Variants in AGRN observed in about 807,000 individuals in gnomAD.
AGRN encodes agrin proteoglycan.
Under a neutral mutation model 211.0 loss-of-function variants are expected in AGRN, and 106 were observed. The observed-to-expected ratio is 0.50, with a 90% CI of 0.43 to 0.59. The LOEUF (loss-of-function observed/expected upper bound fraction) is 0.59. Ranked by LOEUF, AGRN falls within the 20% of genes least tolerant of loss-of-function variation. The probability of loss-of-function intolerance (pLI) is 0.00; values close to 1 mark genes in which losing one functional copy is unlikely to be tolerated. For synonymous variants in AGRN, 1,525 were observed against 1,332.5 expected, an observed-to-expected ratio of 1.14 and a Z score of -3.15; for missense variants, 3,040 against 2,982.6, an observed-to-expected ratio of 1.02 and a Z score of -0.45.
chr1:1,050,161 C>T (rs1279216279), intron 27 of AGRN, 72 bp from the exon 28 acceptor site: 2 of 1,595,540 alleles, frequency 1.3e-6, no homozygotes, highest in African/African-American at 1.3e-5. Flanking sequence ...GAGTTAGGAT[C>T]CACACACGGC....
intron 2 of AGRN, chr1:1,034,791 C>T (rs1478009510): frequency 2.3e-6 from 2 of 886,308 alleles, no homozygotes; most frequent in South Asian, 4.2e-5. Context: ...GGCGGGTCCG[C>T]GGGGCTCCCG....
At chr1:1,026,819 GAT>G in intron 2 of AGRN, among the ~76,000 whole-genome samples, 1 of 152,356 alleles carries the variant, frequency 6.6e-6, no homozygotes, top group South Asian at 2.1e-4. Flanking sequence ...GCAGGGCTGA[GAT>G]ATCACCCCAT....
chr1:1,045,328 C>T (rs757679241), intron 13 of AGRN, 31 bp from the exon 14 acceptor site: 2 of 1,612,114 alleles, frequency 1.2e-6, no homozygotes, highest in Non-Finnish European at 1.7e-6. Context: ...GCTGTGCGGC[C>T]ACGTGACCTT....
rs1286031168 is a variant in AGRN, at chr1:1,046,082, T to A, written c.2799T>A (p.Ala933=). Residue 933 remains alanine (A), a synonymous_variant, in exon 16 of 36, where the codon GCT becomes GCA. Transcript: ENST00000379370. ...CPMLTCPEAN[A]TKVCGSDGVT... ...TGCTCACCTGTCCAGAGGCCAACGC[T>A]ACCAAGGTGAGGGGTGTGGGATGTG... 3 of 1,614,014 alleles carry A rather than the reference T, an allele frequency of 1.9e-6. No individual in the cohort carries two copies. Among genetic ancestry groups the A allele is most frequent in the Admixed American group, 1.7e-5 (1 of 60,028 alleles).
chr1:1,049,133 G>C, intron 24 of AGRN, 74 bp downstream of exon 24: 1 of 917,654 alleles, frequency 1.1e-6, no homozygotes, highest in Non-Finnish European at 1.5e-6. Flanking sequence ...GGGGGGCCGG[G>C]GCAGCTCAGG....
In AGRN at chr1:1,046,650, C is replaced by T. The variant is rs753211720; in HGVS notation, c.3165C>T (p.Ser1055=). 2.1e-5 allele frequency: 34 copies of T among 1,595,860 alleles called. No homozygotes were observed. Among genetic ancestry groups the T allele is most frequent in the East Asian group, 1.6e-4 (7 of 44,758 alleles). The stretch of plus-strand genomic sequence containing the variant: ...CCCCTGCACCCAGCCTGGTGGCGTC[C>T]GCCTTTGGTGAATCTGGCAGCACTG... ...APSPAPSLVA[S]AFGESGSTDG... is the part of the protein sequence containing the mutation. The change falls in exon 18 of 36, where the codon TCC becomes TCT. Residue 1055 remains serine, a synonymous_variant. Coordinates refer to ENST00000379370, the MANE Select transcript of AGRN (RefSeq NM_198576.4).
chr1:1,035,256 T>C, intron 2 of AGRN, 21 bp from the exon 3 acceptor site: 1 of 1,612,346 alleles, frequency 6.2e-7, no homozygotes, highest in Non-Finnish European at 8.5e-7. Context: ...GAGCCTAACT[T>C]GGGGATTTGT....
intron 3 of AGRN, among the ~76,000 whole-genome samples, chr1:1,035,645 G>T (rs1488139734): frequency 6.6e-6 from 1 of 152,240 alleles, no homozygotes; most frequent in Non-Finnish European, 1.5e-5. Flanking sequence ...GCCAGAGTCC[G>T]GTCAGGGGGC....
rs1644574763 is a variant in AGRN, at chr1:1,028,544, C to A, written c.463+6082C>A. Among the ~76,000 whole-genome samples, 6 of 119,042 alleles carry A rather than the reference C, an allele frequency of 5.0e-5. 1 individual carries two copies. In the South Asian group the frequency reaches 1.9e-3, roughly 37 times the overall value. The allele number at this position is 119,042 out of a possible 152,430, so 78.1% of individuals were successfully genotyped here. A position where few individuals can be genotyped will look rare whatever the true frequency, so the allele number is the denominator to read the frequency against. On this transcript the variant is annotated intron_variant, in intron 2 of 35. Transcript: ENST00000379370. The stretch of plus-strand genomic sequence containing the variant: ...GCCCCAGCCCCTCATGGGCCAAGGG[C>A]ACCCACAGCCACGCCACCCTTTCCG...
rs146770768 is a variant in AGRN, at chr1:1,042,120, C to T, written c.1342C>T (p.Arg448Trp). The change falls in exon 7 of 36, where the codon CGG becomes TGG. Residue 448 changes from arginine (R) to tryptophan (W), a missense_variant. Physicochemically the swap from Arg to Trp is moderately radical, Grantham distance 101. Transcript: ENST00000379370. ...TTGCTGGCGGCAGCAGGCTGAGTGC[C>T]GGCAGCAGCGTGCCATCCCCAGCAA... ...SDCWRQQAEC[R>W]QQRAIPSKHQ... 4.5e-5 allele frequency: 72 copies of T among 1,600,848 alleles called. No individual in the cohort carries two copies. The highest frequency in any genetic ancestry group is 2.9e-4 in the African/African-American group (22 of 74,852).
chr1:1,042,214 C>G (rs752136135), intron 7 of AGRN, 52 bp downstream of exon 7: 3 of 1,542,222 alleles, frequency 1.9e-6, no homozygotes, highest in Non-Finnish European at 1.7e-6. Context: ...CTGCGTCAGT[C>G]CCTGCCTGGA....
At chr1:1,022,493 G>C (rs1387231458) in intron 2 of AGRN, 31 bp downstream of exon 2, 3 of 1,589,348 alleles carry the variant, frequency 1.9e-6, no homozygotes, top group Non-Finnish European at 2.6e-6. Context: ...GTGGGGGCCT[G>C]TGGGGGTCAG....
chr1:1,050,244 G>C lies in AGRN; in HGVS notation c.4891G>C (p.Asp1631His), dbSNP rs746088245. ...GTFCQTASGQ[D>H]GSGPFLADFN... ...GACTCTCCCTACAGCCTCGGGGCAGGACGGCTCTGGGCCCTTCCTGGCTGA... is the reference window on the plus strand; with the variant it reads ...GACTCTCCCTACAGCCTCGGGGCAGCACGGCTCTGGGCCCTTCCTGGCTGA... Residue 1631 changes from aspartate to histidine, a missense_variant, in exon 28 of 36, where the codon GAC (aspartate) becomes CAC (histidine). Asp to His is a moderately conservative substitution (Grantham distance 81). This residue lies in a region of AGRN where 1,537 missense variants were observed against 1,505.0 expected (regional missense o/e 1.02). Coordinates refer to ENST00000379370, the MANE Select transcript of AGRN (RefSeq NM_198576.4). The C allele has an allele frequency of 6.2e-7, 1 of 1,613,178 alleles. No individual in the cohort carries two copies.
Position 1,045,740 on chromosome 1 carries a change from C to T in AGRN, c.2544C>T (p.Ser848=). The T allele has an allele frequency of 1.2e-6, 2 of 1,613,392 alleles. No homozygotes were observed. The highest frequency in any genetic ancestry group is 1.7e-6 in the Non-Finnish European group (2 of 1,179,964). ...CCCCGATTTTCCCCAAAGCCTGCAG[C>T]TGTGATCCCCAAGGCGCCGTGCGGG... ...TDGRSGCTPC[S]CDPQGAVRDD... Residue 848 remains serine, a synonymous_variant, in exon 15 of 36, where the codon AGC becomes AGT. Transcript: ENST00000379370.
At chr1:1,033,758 C>CCCCAGCCCCAGTCCCGG (rs1400954253) in intron 2 of AGRN, among the ~76,000 whole-genome samples, 3 of 143,624 alleles carry the variant, frequency 2.1e-5, no homozygotes, top group African/African-American at 7.8e-5. Context: ...GCCTCAGCCA[C>CCCCAGCCCCAGTCCCGG]CCCAGCCCCA....
chr1:1,044,642 T>C (rs1160619985), intron 12 of AGRN, among the ~76,000 whole-genome samples: 1 of 152,148 alleles, frequency 6.6e-6, no homozygotes, highest in Non-Finnish European at 1.5e-5. Flanking sequence ...TCAGTGGGCG[T>C]GCACCAGGCC....
intron 2 of AGRN, among the ~76,000 whole-genome samples, chr1:1,025,105 C>G (rs553930477): frequency 6.6e-6 from 1 of 152,166 alleles, no homozygotes; most frequent in South Asian, 2.1e-4. Flanking sequence ...CCGGCCAGGC[C>G]GCCCGGGGCC....
Position 1,041,201 on chromosome 1 carries a change from C to T in AGRN, c.756C>T (p.Thr252=), listed in dbSNP as rs1287160993. The T allele has an allele frequency of 1.4e-5, 20 of 1,467,026 alleles. No individual in the cohort carries two copies. In the East Asian group the frequency reaches 6.0e-4, roughly 44 times the overall value. The allele number at this position is 1,467,026 out of a possible 1,614,324, so 90.9% of individuals were successfully genotyped here. ...CGSRDPCSNV[T]CSFGSTCARS... Reference sequence around the variant, plus strand: ...CGCGGGACCCCTGCTCCAACGTGACCTGCAGCTTCGGCAGCACCTGTGCGC... The same window carrying T: ...CGCGGGACCCCTGCTCCAACGTGACTTGCAGCTTCGGCAGCACCTGTGCGC... Residue 252 remains threonine (T), a synonymous_variant, in exon 5 of 36, where the codon ACC becomes ACT. Coordinates refer to ENST00000379370, the MANE Select transcript of AGRN (RefSeq NM_198576.4).
In AGRN at chr1:1,044,002, C is replaced by T. The variant is rs534519250; in HGVS notation, c.1978C>T (p.Arg660Trp). ...CLQQTQIEEA[R>W]AGPCEQAECG... The stretch of plus-strand genomic sequence containing the variant: ...CCAGCAGACACAGATCGAGGAGGCC[C>T]GGGCAGGGCCGTGCGAGCAGGGTAG... The change falls in exon 10 of 36, where the codon CGG becomes TGG. Residue 660 changes from arginine (R) to tryptophan (W), a missense_variant. By Grantham distance (101) the Arg-to-Trp change is moderately radical. Around this residue, in one of 3 missense-constraint regions of AGRN, gnomAD observed 1,498 missense variants for 1,457.8 expected, o/e 1.03. Coordinates refer to ENST00000379370, the MANE Select transcript of AGRN (RefSeq NM_198576.4). 7.5e-6 allele frequency: 12 copies of T among 1,607,474 alleles called. No individual in the cohort carries two copies. The highest frequency in any genetic ancestry group is 5.3e-5 in the African/African-American group (4 of 75,010).
Sources: allele counts gnomAD v4.1 joint callset (sites outside exome capture counted in the v4.1 genomes callset), GRCh38; gene constraint gnomAD v4.1.1; regional missense constraint gnomAD v4.1.1; transcripts MANE v1.5; gene names NCBI Gene and HGNC (gene_info 2026-07-23, HGNC 2026-07-21).